The following TRAPPC12 variants were observed in gnomAD, a reference collection of about 807,000 sequenced individuals.
TRAPPC12 encodes the protein TPR repeat protein 15.
TRAPPC12 carries 61 observed loss-of-function variants against 69.2 expected under a neutral mutation model. The observed-to-expected ratio is 0.88, with a 90% CI of 0.72 to 1.09. The LOEUF (loss-of-function observed/expected upper bound fraction) is 1.09. TRAPPC12 is among the 50% of genes least tolerant of loss of function. TRAPPC12 has a pLI of 0.00. For synonymous variants in TRAPPC12, 469 were observed against 438.9 expected (o/e 1.07, Z -0.86); for missense variants, 1,101 against 1,016.4 (o/e 1.08, Z -1.13).
At chr2:3,476,444 G>C (rs140783991) in intron 9 of TRAPPC12, among the ~76,000 whole-genome samples, 265 of 152,334 alleles carry the variant, frequency 1.7e-3, no homozygotes, top group African/African-American at 6.1e-3. Context: ...GCAGTGGGCT[G>C]TGTGGCTGGA....
intron 3 of TRAPPC12, among the ~76,000 whole-genome samples, chr2:3,413,143 G>A (rs1662153394): frequency 1.3e-5 from 2 of 152,232 alleles, no homozygotes; most frequent in South Asian, 2.1e-4. Context: ...TATAACTTTT[G>A]TTCATAAAAA....
At chr2:3,442,923 C>G (rs1664300140) in intron 5 of TRAPPC12, among the ~76,000 whole-genome samples, 1 of 152,242 alleles carries the variant, frequency 6.6e-6, no homozygotes, top group African/African-American at 2.4e-5. Context: ...TGATTGCCCT[C>G]TGGCATTTCT....
chr2:3,386,305 T>C (rs62120471), intron 1 of TRAPPC12, among the ~76,000 whole-genome samples: 24,734 of 152,212 alleles, frequency 0.16, 2,292 homozygotes, highest in Non-Finnish European at 0.21. Flanking sequence ...TTGAATTTGT[T>C]CACTATGAGA....
chr2:3,444,660 A>G (rs1572170760), intron 6 of TRAPPC12, among the ~76,000 whole-genome samples: 2 of 152,368 alleles, frequency 1.3e-5, no homozygotes, highest in East Asian at 3.9e-4. Context: ...TGGGAAAACT[A>G]AGATTCTTCT....
chr2:3,422,886 T>G (rs1457524455), intron 4 of TRAPPC12, among the ~76,000 whole-genome samples: 1 of 152,256 alleles, frequency 6.6e-6, no homozygotes, highest in African/African-American at 2.4e-5. Context: ...GTTTCTTTAT[T>G]CACATTCATT....
At chr2:3,418,854 C>T (rs1309006343) in intron 3 of TRAPPC12, among the ~76,000 whole-genome samples, 1 of 152,210 alleles carries the variant, frequency 6.6e-6, no homozygotes, top group East Asian at 1.9e-4. Flanking sequence ...GTGGCCTGTG[C>T]TCTTGGAAGC....
intron 4 of TRAPPC12, among the ~76,000 whole-genome samples, chr2:3,422,415 T>G (rs1294998533): frequency 6.6e-6 from 1 of 151,932 alleles, no homozygotes; most frequent in African/African-American, 2.4e-5. Context: ...TCACTTGCTC[T>G]GAAATTTAAA....
At chr2:3,398,992 C>T (rs970362603) in intron 2 of TRAPPC12, among the ~76,000 whole-genome samples, 4 of 152,164 alleles carry the variant, frequency 2.6e-5, no homozygotes, top group East Asian at 1.9e-4. Flanking sequence ...TGCACAGTAA[C>T]GGCTAGAGGA....
At chr2:3,474,258 G>A (rs1666193802) in intron 9 of TRAPPC12, among the ~76,000 whole-genome samples, 1 of 152,218 alleles carries the variant, frequency 6.6e-6, no homozygotes, top group Non-Finnish European at 1.5e-5. Context: ...CACAAGGTGA[G>A]GTCCCACAAT....
chr2:3,470,296 A>C (rs533051285), intron 9 of TRAPPC12, among the ~76,000 whole-genome samples: 7 of 152,372 alleles, frequency 4.6e-5, no homozygotes, highest in African/African-American at 1.7e-4. Flanking sequence ...CCTGTTCCAC[A>C]AGGAAGCTGA....
intron 7 of TRAPPC12, among the ~76,000 whole-genome samples, chr2:3,459,524 G>T (rs943592447): frequency 4.6e-5 from 7 of 152,208 alleles, no homozygotes; most frequent in South Asian, 2.1e-4. Flanking sequence ...CACAAAGCCA[G>T]TTTGGAAACT....
In TRAPPC12 at chr2:3,443,731, G is replaced by A. The variant is rs553203477; in HGVS notation, c.1418-48G>A. 141 of 1,476,638 alleles carry A rather than the reference G, an allele frequency of 9.5e-5. 1 individual carries two copies. In the Admixed American group the frequency reaches 1.0e-3, roughly 11 times the overall value. The allele number at this position is 1,476,638 out of a possible 1,614,324, so 91.5% of individuals were successfully genotyped here. On this transcript the variant is annotated intron_variant, in intron 5 of 11. Coordinates refer to ENST00000324266, the MANE Select transcript of TRAPPC12 (RefSeq NM_016030.6). ...CTTCAAGTGTGCCAAGTATGAATGC[G>A]TGCTCAGTTATGGCAAACAAACTCA...
At chr2:3,380,831 T>C (rs1009407921) in intron 1 of TRAPPC12, among the ~76,000 whole-genome samples, 5 of 152,242 alleles carry the variant, frequency 3.3e-5, no homozygotes, top group African/African-American at 1.2e-4. Flanking sequence ...CTTCACACTT[T>C]AAAAGATGCC....
intron 5 of TRAPPC12, among the ~76,000 whole-genome samples, chr2:3,432,458 CT>C (rs979209065): frequency 2.6e-5 from 4 of 152,092 alleles, no homozygotes; most frequent in East Asian, 1.9e-4. Context: ...AATTCTGAAA[CT>C]TTTTTTTATC....
intron 6 of TRAPPC12, chr2:3,457,173 A>G: frequency 2.2e-6 from 1 of 460,282 alleles, no homozygotes. Context: ...GCTGGAGGCC[A>G]TTATCCTAAG....
At chr2:3,400,797 C>G (rs969166440) in intron 2 of TRAPPC12, among the ~76,000 whole-genome samples, 2 of 152,184 alleles carry the variant, frequency 1.3e-5, no homozygotes, top group Admixed American at 1.3e-4. Flanking sequence ...TTCCCTGGGG[C>G]CCCTGAACTG....
chr2:3,392,657 T>A (rs1422818999), intron 2 of TRAPPC12, among the ~76,000 whole-genome samples: 1 of 152,246 alleles, frequency 6.6e-6, no homozygotes, highest in Non-Finnish European at 1.5e-5. Context: ...TGAGATATCA[T>A]GGCTGTTAAC....
chr2:3,469,994 G>T (rs971372694), intron 9 of TRAPPC12, among the ~76,000 whole-genome samples: 1 of 152,172 alleles, frequency 6.6e-6, no homozygotes. Flanking sequence ...CTACAATCTT[G>T]AATGTTATCT....
chr2:3,404,864 G>A (rs1159837371), intron 3 of TRAPPC12, among the ~76,000 whole-genome samples: 1 of 149,896 alleles, frequency 6.7e-6, no homozygotes, highest in African/African-American at 2.5e-5. Context: ...TCATACAAAA[G>A]GATAGAGTGG....
Sources: gnomAD v4.1 joint callset for allele counts (sites outside exome capture counted in the v4.1 genomes callset) on GRCh38, gnomAD v4.1.1 for gene constraint, MANE v1.5 for transcripts, NCBI Gene and HGNC (gene_info 2026-07-23, HGNC 2026-07-21) for gene names.